The following PRKG1 variants were observed in gnomAD, a reference collection of about 807,000 sequenced individuals.
PRKG1 encodes protein kinase cGMP-dependent 1, also known as cGMP-dependent protein kinase 1.
PRKG1 carries 35 observed loss-of-function variants against 88.1 expected under a neutral mutation model. That is an observed-to-expected ratio of 0.40 (90% CI 0.30 to 0.53). The LOEUF is 0.53. Ranked by LOEUF, PRKG1 falls within the 20% of genes least tolerant of loss-of-function variation. The pLI, the probability that PRKG1 is intolerant of heterozygous loss-of-function variation, is 0.59. For synonymous variants in PRKG1, 303 were observed against 292.5 expected (o/e 1.04, Z -0.37); for missense variants, 540 against 839.8 (o/e 0.64, Z 4.41).
At chr10:51,465,451 T>G (rs917287922) in intron 2 of PRKG1, among the ~76,000 whole-genome samples, 1 of 152,204 alleles carries the variant, frequency 6.6e-6, no homozygotes, top group African/African-American at 2.4e-5. Flanking sequence ...TTAGTATAAT[T>G]GACACTAGAT....
intron 3 of PRKG1, among the ~76,000 whole-genome samples, chr10:51,498,220 A>G (rs1233817079): frequency 6.6e-6 from 1 of 152,234 alleles, no homozygotes; most frequent in Non-Finnish European, 1.5e-5. Context: ...ATAAGCTCAA[A>G]GTCTAATTAT....
intron 3 of PRKG1, among the ~76,000 whole-genome samples, chr10:51,715,864 A>G (rs1020052849): frequency 6.6e-6 from 1 of 152,218 alleles, no homozygotes; most frequent in Non-Finnish European, 1.5e-5. Flanking sequence ...TGACATTTTT[A>G]TATGTGATTG....
intron 10 of PRKG1, among the ~76,000 whole-genome samples, chr10:52,264,472 T>C (rs1048031947): frequency 1.3e-5 from 2 of 152,166 alleles, no homozygotes; most frequent in South Asian, 4.2e-4. Flanking sequence ...CCTTAAGTTA[T>C]CACAATTTAT....
In PRKG1 at chr10:51,199,988, G is replaced by A. The variant is rs74133536; in HGVS notation, c.478+46658G>A. ...TACGTGTTATTTAACAATATAAGTC[G>A]GGTAAAAGAAAGCCTACAAAACACT... is the stretch of plus-strand genomic sequence containing the variant. On this transcript the variant is annotated intron_variant, in intron 2 of 17. Coordinates refer to ENST00000373980, the MANE Select transcript of PRKG1 (RefSeq NM_006258.4). Among the ~76,000 whole-genome samples the A allele has an allele frequency of 4.6e-3, 695 of 152,146 alleles. 14 individuals carry two copies. The highest frequency in any genetic ancestry group is 0.016 in the African/African-American group (664 of 41,504).
chr10:51,689,023 C>G (rs1841067244), intron 3 of PRKG1, among the ~76,000 whole-genome samples: 1 of 152,124 alleles, frequency 6.6e-6, no homozygotes, highest in African/African-American at 2.4e-5. Flanking sequence ...GGTATCCCTG[C>G]ACAAGCTCTC....
intron 11 of PRKG1, 81 bp from the exon 12 acceptor site, chr10:52,272,311 A>G (rs1298397594): frequency 1.7e-5 from 18 of 1,087,564 alleles, no homozygotes; most frequent in Non-Finnish European, 2.2e-5. Flanking sequence ...AATCAAAACT[A>G]TAATCTGGGC....
intron 5 of PRKG1, among the ~76,000 whole-genome samples, chr10:51,966,739 G>A (rs1028090992): frequency 6.6e-5 from 10 of 152,248 alleles, no homozygotes; most frequent in African/African-American, 2.4e-4. Flanking sequence ...CAGCGCCCTG[G>A]TGTGCCACTT....
chr10:51,602,875 T>C (rs1838653658), intron 3 of PRKG1, among the ~76,000 whole-genome samples: 1 of 151,888 alleles, frequency 6.6e-6, no homozygotes, highest in South Asian at 2.1e-4. Flanking sequence ...TTTTCCTAGG[T>C]ATAATGTTTT....
intron 5 of PRKG1, among the ~76,000 whole-genome samples, chr10:52,028,995 G>A (rs1204336842): frequency 1.3e-5 from 2 of 152,168 alleles, no homozygotes; most frequent in African/African-American, 4.8e-5. Context: ...TTGAAACCAT[G>A]ACTCTTCTAA....
chr10:51,936,292 C>T (rs922421270), intron 5 of PRKG1, among the ~76,000 whole-genome samples: 1 of 151,824 alleles, frequency 6.6e-6, no homozygotes, highest in Non-Finnish European at 1.5e-5. Context: ...TAACTTTTTT[C>T]CCTGTTGCTG....
intron 5 of PRKG1, among the ~76,000 whole-genome samples, chr10:51,995,338 G>T (rs774167026): frequency 3.3e-5 from 5 of 152,074 alleles, no homozygotes; most frequent in Non-Finnish European, 7.4e-5. Context: ...CAGTTACATT[G>T]ACCTTAACTA....
intron 1 of PRKG1, among the ~76,000 whole-genome samples, chr10:51,092,078 A>C (rs758852602): frequency 3.3e-5 from 5 of 152,170 alleles, no homozygotes; most frequent in Non-Finnish European, 5.9e-5. Context: ...TTCTGCCATG[A>C]AGTGTTAAAA....
intron 9 of PRKG1, among the ~76,000 whole-genome samples, chr10:52,205,359 C>T (rs1483558168): frequency 1.3e-5 from 2 of 152,070 alleles, no homozygotes; most frequent in Non-Finnish European, 2.9e-5. Flanking sequence ...CAGAACCTGC[C>T]GATATGTGAT....
intron 2 of PRKG1, among the ~76,000 whole-genome samples, chr10:51,307,646 C>T (rs1841072539): frequency 6.6e-6 from 1 of 152,078 alleles, no homozygotes; most frequent in Non-Finnish European, 1.5e-5. Flanking sequence ...CGAGTAGAGG[C>T]AATAAGCATT....
intron 2 of PRKG1, among the ~76,000 whole-genome samples, chr10:51,203,657 G>C (rs1368380419): frequency 6.6e-6 from 1 of 152,198 alleles, no homozygotes; most frequent in Non-Finnish European, 1.5e-5. Context: ...CCAACAGAGA[G>C]TTGCACACAT....
chr10:51,759,975 A>C (rs1837975601), intron 3 of PRKG1, among the ~76,000 whole-genome samples: 2 of 152,178 alleles, frequency 1.3e-5, no homozygotes, highest in Non-Finnish European at 2.9e-5. Context: ...TCAATATATA[A>C]AATTGATAAA....
intron 4 of PRKG1, among the ~76,000 whole-genome samples, chr10:51,824,159 C>G (rs979147915): frequency 1.3e-5 from 2 of 152,036 alleles, no homozygotes; most frequent in Non-Finnish European, 2.9e-5. Context: ...TAGGCGAGGG[C>G]CACCACTCCT....
chr10:51,569,464 G>A (rs1281598522), intron 3 of PRKG1, among the ~76,000 whole-genome samples: 2 of 151,980 alleles, frequency 1.3e-5, no homozygotes, highest in African/African-American at 4.8e-5. Flanking sequence ...GTTAAATAAT[G>A]AACTATAATA....
At chr10:51,507,082 A>G (rs543765967) in intron 3 of PRKG1, among the ~76,000 whole-genome samples, 1 of 148,964 alleles carries the variant, frequency 6.7e-6, no homozygotes, top group Non-Finnish European at 1.5e-5. Flanking sequence ...GTTCTCACTC[A>G]TAGGTGGGAA....
Sources: gnomAD v4.1 joint callset for allele counts (sites outside exome capture counted in the v4.1 genomes callset) on GRCh38, gnomAD v4.1.1 for gene constraint, MANE v1.5 for transcripts, NCBI Gene and HGNC (gene_info 2026-07-23, HGNC 2026-07-21) for gene names.